LNPK: variants seen among roughly 807,000 people sequenced by gnomAD.
LNPK encodes endoplasmic reticulum junction formation protein lunapark.
A neutral mutation model predicts 55.2 loss-of-function variants in LNPK; 29 were observed. The ratio of observed to expected loss-of-function variants is 0.53; its 90% CI spans 0.39 to 0.72. The LOEUF (loss-of-function observed/expected upper bound fraction) is 0.72, where lower values mean the gene tolerates loss of function less well. LNPK is among the 30% of genes least tolerant of loss of function. The pLI is 0.00. For missense variants in LNPK, 467 were observed against 494.8 expected, an observed-to-expected ratio of 0.94 and a Z score of 0.53; for synonymous variants, 162 against 168.2, an observed-to-expected ratio of 0.96 and a Z score of 0.29.
In LNPK at chr2:175,938,348, T is replaced by G. The variant is rs1304165610; in HGVS notation, c.848A>C (p.Asn283Thr). The G allele has an allele frequency of 2.5e-6, 4 of 1,604,198 alleles. No individual in the cohort carries two copies. Among genetic ancestry groups the G allele is most frequent in the Non-Finnish European group, 3.4e-6 (4 of 1,172,346 alleles). The change falls in exon 11 of 13, where the codon AAT (asparagine) becomes ACT (threonine). Residue 283 changes from asparagine (N) to threonine (T), a missense_variant. Asn to Thr is a moderately conservative substitution (Grantham distance 65). Transcript: ENST00000272748. ...AAATTCTTCCTTCAAAGCCATGCCATTATGAGAAAAACACTGCTGACATAT... is the reference window on the plus strand; with the variant it reads ...AAATTCTTCCTTCAAAGCCATGCCAGTATGAGAAAAACACTGCTGACATAT... ...ALICQQCFSH[N>T]GMALKEEFEY...
intron 8 of LNPK, among the ~76,000 whole-genome samples, chr2:175,959,896 A>G (rs1014155735): frequency 2.0e-5 from 3 of 152,010 alleles, no homozygotes; most frequent in African/African-American, 7.2e-5. Flanking sequence ...CAAAAAAAAA[A>G]GCAGGGGTTA....
intron 4 of LNPK, among the ~76,000 whole-genome samples, chr2:175,991,600 T>C (rs534840142): frequency 9.8e-4 from 150 of 152,326 alleles, no homozygotes; most frequent in African/African-American, 3.5e-3. Context: ...CATTACTTAA[T>C]GTTTGCAGTC....
intron 6 of LNPK, among the ~76,000 whole-genome samples, chr2:175,966,840 CAT>C (rs1686379019): frequency 6.6e-6 from 1 of 152,126 alleles, no homozygotes. Context: ...TTCTCCTCTG[CAT>C]AGATATTTTA....
Position 175,939,561 on chromosome 2 carries a change from G to A in LNPK, c.803C>T (p.Pro268Leu). The change falls in exon 10 of 13, where the codon CCA (proline) becomes CTA (leucine). Residue 268 changes from proline to leucine, a missense_variant. Coordinates refer to ENST00000272748, the MANE Select transcript of LNPK (RefSeq NM_030650.3). ...CCTTAGTAAATATTACCTGTTTTGT[G>A]GACCATCACCAACCAAATATTCAAC... ...RIVEYLVGDG[P>L]QNRYALICQQ... 6.4e-7 allele frequency: 1 copy of A among 1,553,790 alleles called. No homozygotes were observed. Among genetic ancestry groups the A allele is most frequent in the Non-Finnish European group, 8.9e-7 (1 of 1,128,770 alleles).
intron 10 of LNPK, among the ~76,000 whole-genome samples, chr2:175,939,025 AAAT>A (rs552963622): frequency 4.3e-4 from 65 of 152,174 alleles, no homozygotes; most frequent in Middle Eastern, 3.4e-3. Flanking sequence ...TCCTTTTTTT[AAAT>A]AATATTAATT....
intron 9 of LNPK, among the ~76,000 whole-genome samples, chr2:175,946,806 A>G (rs899203639): frequency 3.3e-5 from 5 of 152,170 alleles, no homozygotes; most frequent in Non-Finnish European, 7.4e-5. Context: ...AAACAATGTG[A>G]TCTGTGCTAA....
intron 6 of LNPK, among the ~76,000 whole-genome samples, chr2:175,966,776 G>A (rs996468074): frequency 2.0e-5 from 3 of 152,148 alleles, no homozygotes; most frequent in Admixed American, 2.0e-4. Context: ...AAAGATCTGG[G>A]TTCAACGCAC....
At position 175,937,398 on chromosome 2, in the gene LNPK, C is replaced by A; in HGVS notation, c.1000G>T (p.Val334Phe). ...ACACTTCCTGATGGCAAGGGACCAA[C>A]TGAACTTGAACCTTCCACCACCTGC... ...KRQVVEGSSS[V>F]GPLPSGSVLS... is the part of the protein sequence containing the mutation. Residue 334 changes from valine to phenylalanine, a missense_variant, in exon 12 of 13, where the codon GTT (valine) becomes TTT (phenylalanine). Coordinates refer to ENST00000272748, the MANE Select transcript of LNPK (RefSeq NM_030650.3). 6.2e-7 allele frequency: 1 copy of A among 1,613,750 alleles called. No homozygotes were observed. Among genetic ancestry groups the A allele is most frequent in the Non-Finnish European group, 8.5e-7 (1 of 1,179,742 alleles).
chr2:175,967,624 T>C (rs1686434584), intron 6 of LNPK: 9 of 984,194 alleles, frequency 9.1e-6, no homozygotes, highest in Non-Finnish European at 1.1e-5. Flanking sequence ...TGTTATACCA[T>C]ATAAACTCAT....
intron 4 of LNPK, among the ~76,000 whole-genome samples, chr2:175,987,632 C>A (rs917750461): frequency 3.3e-5 from 5 of 151,212 alleles, no homozygotes; most frequent in African/African-American, 7.3e-5. Context: ...ATGTAACAAA[C>A]CTGCACATTG....
chr2:175,946,143 A>G (rs1685111583), intron 9 of LNPK, among the ~76,000 whole-genome samples: 1 of 152,182 alleles, frequency 6.6e-6, no homozygotes, highest in South Asian at 2.1e-4. Context: ...AATCTAGGCT[A>G]TTATTCCTTC....
chr2:175,979,388 G>A lies in LNPK; in HGVS notation c.316+422C>T, dbSNP rs577299989. 3.9e-5 allele frequency among the ~76,000 whole-genome samples: 6 copies of A among 152,050 alleles called. No individual in the cohort carries two copies. In the East Asian group the frequency reaches 1.2e-3, roughly 29 times the overall value. On this transcript the variant is annotated intron_variant, in intron 5 of 12. Coordinates refer to ENST00000272748, the MANE Select transcript of LNPK (RefSeq NM_030650.3). ...AGCCTGGGAAACATGGTGAAACCCT[G>A]TCTCTATAAAAATACAAAAAATTAG... is the stretch of plus-strand genomic sequence containing the variant.
At chr2:175,976,275 A>G (rs77830114) in intron 5 of LNPK, among the ~76,000 whole-genome samples, 9,558 of 152,304 alleles carry the variant, frequency 0.063, 531 homozygotes, top group East Asian at 0.23. Flanking sequence ...CAATTGTGCA[A>G]GCAAGAGATG....
intron 9 of LNPK, among the ~76,000 whole-genome samples, chr2:175,945,087 C>G (rs1185888148): frequency 6.6e-6 from 1 of 151,624 alleles, no homozygotes; most frequent in Non-Finnish European, 1.5e-5. Context: ...TTAGTAGAGA[C>G]GAGGTTTCAC....
Position 175,925,661 on chromosome 2 carries a change from C to CT in LNPK, c.*4305dup, listed in dbSNP as rs756849996. 1.1e-3 allele frequency: 161 copies of CT among 149,678 alleles called. 1 individual carries two copies. The highest frequency in any genetic ancestry group is 1.9e-3 in the Non-Finnish European group (135 of 69,470). The allele number at this position is 149,678 out of a possible 1,614,324, so 9.3% of individuals were successfully genotyped here. ...AGCAATGGCGTGGCAGATTCATTTT[C>CT]TTTCTTTCTTTTTTTTTTTTGAGAT... On this transcript the variant is annotated 3_prime_UTR_variant, in exon 13 of 13. Transcript: ENST00000272748.
intron 6 of LNPK, among the ~76,000 whole-genome samples, chr2:175,966,949 A>C (rs937035383): frequency 6.6e-6 from 1 of 152,186 alleles, no homozygotes; most frequent in African/African-American, 2.4e-5. Context: ...ATTTTCAGAG[A>C]CATCTCAATT....
At chr2:175,952,428 G>C (rs1390417720) in intron 8 of LNPK, among the ~76,000 whole-genome samples, 1 of 151,678 alleles carries the variant, frequency 6.6e-6, no homozygotes, top group East Asian at 1.9e-4. Context: ...AATTTCTATT[G>C]TTTTCAGTTC....
At chr2:175,975,646 T>G (rs926422218) in intron 5 of LNPK, among the ~76,000 whole-genome samples, 1 of 152,238 alleles carries the variant, frequency 6.6e-6, no homozygotes, top group Admixed American at 6.5e-5. Context: ...TTATTGACTA[T>G]AGTCACCCTA....
intron 8 of LNPK, among the ~76,000 whole-genome samples, chr2:175,951,128 A>G (rs536233517): frequency 1.1e-4 from 16 of 152,126 alleles, no homozygotes; most frequent in Admixed American, 1.0e-3. Flanking sequence ...ATGCTGCTAG[A>G]AGGTTTTGTC....
Sources: gnomAD v4.1 joint callset for allele counts (sites outside exome capture counted in the v4.1 genomes callset) on GRCh38, gnomAD v4.1.1 for gene constraint, MANE v1.5 for transcripts, NCBI Gene and HGNC (gene_info 2026-07-23, HGNC 2026-07-21) for gene names.